MYO18B: variants seen among roughly 807,000 people sequenced by gnomAD.
MYO18B encodes unconventional myosin-XVIIIb.
MYO18B carries 204 observed loss-of-function variants against 273.0 expected under a neutral mutation model. That is an observed-to-expected ratio of 0.75 (90% CI 0.67 to 0.84). MYO18B has a LOEUF of 0.84. Among genes scored for constraint, MYO18B ranks in the 40% least tolerant of loss-of-function variants. MYO18B has a pLI of 0.00. For missense variants in MYO18B, 3,212 were observed against 3,287.6 expected, an observed-to-expected ratio of 0.98 and a Z score of 0.56; for synonymous variants, 1,330 against 1,305.7, an observed-to-expected ratio of 1.02 and a Z score of -0.40.
chr22:25,934,983 C>T (rs2092558124), intron 34 of MYO18B, among the ~76,000 whole-genome samples: 1 of 151,882 alleles, frequency 6.6e-6, no homozygotes, highest in Non-Finnish European at 1.5e-5. Flanking sequence ...TGGGTGTGTG[C>T]ACACACGCGG....
At chr22:25,823,466 A>G in intron 12 of MYO18B, 39 bp from the exon 13 acceptor site, 3 of 1,601,522 alleles carry the variant, frequency 1.9e-6, no homozygotes, top group Non-Finnish European at 2.6e-6. Flanking sequence ...CCCATGCCCA[A>G]GGCCTCACTG....
At chr22:25,862,847 G>T (rs112159565) in intron 21 of MYO18B, among the ~76,000 whole-genome samples, 1,477 of 114,456 alleles carry the variant, frequency 0.013, 23 homozygotes, top group African/African-American at 0.045. Context: ...CTTTTTTTTT[G>T]GGGGGGGGTG....
intron 42 of MYO18B, among the ~76,000 whole-genome samples, chr22:26,011,028 G>C (rs1178104663): frequency 6.6e-6 from 1 of 151,232 alleles, no homozygotes; most frequent in Non-Finnish European, 1.5e-5. Flanking sequence ...CCTGGCCAGA[G>C]TAAGAAGGAG....
At chr22:26,041,348 C>T in the MYO18B span, among the ~76,000 whole-genome samples, 2 of 93,242 alleles carry the variant, frequency 2.1e-5, no homozygotes, top group Non-Finnish European at 3.9e-5. Context: ...AACCCTGTCT[C>T]TACCAAAAAA....
chr22:25,876,168 C>T (rs1016435234), intron 23 of MYO18B, 21 bp from the exon 24 acceptor site: 3 of 1,604,824 alleles, frequency 1.9e-6, no homozygotes, highest in Admixed American at 3.4e-5. Context: ...ACCCTCCAGT[C>T]TGTGTTCTCC....
Position 25,890,700 on chromosome 22 carries a change from AG to A in MYO18B, c.4315-53del, listed in dbSNP as rs1644466318. The A allele has an allele frequency of 1.2e-5, 19 of 1,598,976 alleles. 1 individual carries two copies. In the Middle Eastern group the frequency reaches 5.0e-4, roughly 42 times the overall value. On this transcript the variant is annotated intron_variant, in intron 25 of 43. Transcript: ENST00000335473. ...AGGCGATCCTGTGCATGGGGAGAGA[AG>A]GGTTGGTGGCTCCATCGAGTGACCG...
At chr22:25,967,989 C>T (rs1043726880) in intron 39 of MYO18B, among the ~76,000 whole-genome samples, 1 of 152,134 alleles carries the variant, frequency 6.6e-6, no homozygotes, top group East Asian at 1.9e-4. Context: ...CAGTTTTGAA[C>T]ATTTACCAGC....
chr22:25,952,120 C>T (rs565555877), intron 37 of MYO18B, among the ~76,000 whole-genome samples, 166 bp from the exon 38 acceptor site: 2 of 152,322 alleles, frequency 1.3e-5, no homozygotes, highest in South Asian at 4.1e-4. Flanking sequence ...CCAAGATTGA[C>T]ACCTGGCCAT....
chr22:25,868,450 C>A, intron 22 of MYO18B, 65 bp downstream of exon 22: 2 of 1,302,024 alleles, frequency 1.5e-6, no homozygotes, highest in Non-Finnish European at 2.2e-6. Context: ...TGACCTGATT[C>A]TTGTCCTACC....
At chr22:25,809,614 CGCCT>C (rs1569050802) in intron 12 of MYO18B, among the ~76,000 whole-genome samples, 1 of 152,110 alleles carries the variant, frequency 6.6e-6, no homozygotes, top group African/African-American at 2.4e-5. Flanking sequence ...CCTCACTCCC[CGCCT>C]GCTACCATCA....
chr22:25,994,573 C>T (rs1933030801), intron 40 of MYO18B, among the ~76,000 whole-genome samples: 1 of 152,244 alleles, frequency 6.6e-6, no homozygotes, highest in African/African-American at 2.4e-5. Context: ...CTTCCATGCA[C>T]ATTCCAAGTA....
intron 21 of MYO18B, among the ~76,000 whole-genome samples, chr22:25,856,879 A>G (rs1373899736): frequency 2.0e-5 from 3 of 152,158 alleles, no homozygotes; most frequent in African/African-American, 7.2e-5. Context: ...GGCATAGCAG[A>G]CCTGATCTTT....
the MYO18B span, among the ~76,000 whole-genome samples, chr22:26,058,235 A>G: frequency 2.0e-5 from 3 of 152,224 alleles, no homozygotes; most frequent in Non-Finnish European, 4.4e-5. Flanking sequence ...AGGCAATATC[A>G]TGAATTGATA....
chr22:25,801,251 A>C (rs118089647), intron 12 of MYO18B, among the ~76,000 whole-genome samples: 82 of 152,314 alleles, frequency 5.4e-4, no homozygotes, highest in Admixed American at 7.2e-4. Flanking sequence ...TTTGGGGAGA[A>C]TTTGGGCCTT....
intron 12 of MYO18B, among the ~76,000 whole-genome samples, chr22:25,808,117 C>T (rs2088567865): frequency 6.6e-6 from 1 of 152,096 alleles, no homozygotes; most frequent in Admixed American, 6.6e-5. Context: ...TCTGAGACCC[C>T]CAAAAGACCT....
the MYO18B span, among the ~76,000 whole-genome samples, chr22:26,057,606 T>A: frequency 9.3e-5 from 14 of 150,658 alleles, no homozygotes; most frequent in South Asian, 3.0e-3. Context: ...GTTTTTCTAT[T>A]AGTTTTTTTG....
chr22:25,833,722 C>A (rs113683292), intron 16 of MYO18B, among the ~76,000 whole-genome samples: 2,349 of 152,282 alleles, frequency 0.015, 27 homozygotes, highest in Non-Finnish European at 0.026. Flanking sequence ...GGGGATGCTA[C>A]TTTTTCTGGG....
intron 12 of MYO18B, among the ~76,000 whole-genome samples, chr22:25,812,973 T>C (rs2088828537): frequency 6.6e-6 from 1 of 152,024 alleles, no homozygotes; most frequent in Non-Finnish European, 1.5e-5. Flanking sequence ...CCTCTTTCTC[T>C]TCCTTCTCTC....
chr22:25,928,402 CAA>C lies in MYO18B; in HGVS notation c.5517+7014_5517+7015del, dbSNP rs71311529. Among the ~76,000 whole-genome samples the C allele has an allele frequency of 1.5e-4, 7 of 48,064 alleles. No individual in the cohort carries two copies. The South Asian group carries it at 2.2e-3, about 15-fold the overall frequency. 31.5% of individuals were successfully genotyped at this position (48,064 alleles called of 152,430 possible). A position where few individuals can be genotyped will look rare whatever the true frequency, so the allele number is the denominator to read the frequency against. ...TGGGCAACATAGTAAGACCCGGCCT[CAA>C]AAAAAAAAAAAAAAAAAAAAGGCAA... On this transcript the variant is annotated intron_variant, in intron 34 of 43. Coordinates refer to ENST00000335473, the MANE Select transcript of MYO18B (RefSeq NM_032608.7).
Sources: gnomAD v4.1 joint callset for allele counts (sites outside exome capture counted in the v4.1 genomes callset) on GRCh38, gnomAD v4.1.1 for gene constraint, MANE v1.5 for transcripts, NCBI Gene and HGNC (gene_info 2026-07-23, HGNC 2026-07-21) for gene names.